The following PARPBP variants were observed in gnomAD, a reference collection of about 807,000 sequenced individuals.
PARPBP encodes PARP1 binding protein.
Under a neutral mutation model 50.0 loss-of-function variants are expected in PARPBP, and 52 were observed. The observed-to-expected ratio is 1.04, with a 90% CI of 0.83 to 1.31. The LOEUF (loss-of-function observed/expected upper bound fraction) is 1.31, where lower values mean the gene tolerates loss of function less well. Ranked by LOEUF, PARPBP falls within the 50% of genes most tolerant of loss-of-function variation. The probability of loss-of-function intolerance (pLI) is 0.00; values close to 1 mark genes in which losing one functional copy is unlikely to be tolerated. For missense variants in PARPBP, 697 were observed against 672.0 expected, an observed-to-expected ratio of 1.04 and a Z score of -0.41; for synonymous variants, 244 against 232.1, an observed-to-expected ratio of 1.05 and a Z score of -0.47.
At chr12:102,150,225 G>A (rs34287857) in intron 3 of PARPBP, 9,717 of 454,840 alleles carry the variant, frequency 0.021, 149 homozygotes, top group Non-Finnish European at 0.028. Context: ...AACCGTGGAA[G>A]ATCAACAACT....
chr12:102,195,086 A>G (rs999256450), intron 9 of PARPBP, among the ~76,000 whole-genome samples: 2 of 151,714 alleles, frequency 1.3e-5, no homozygotes, highest in African/African-American at 4.8e-5. Context: ...AAAATCAAAA[A>G]TATACATAAA....
rs762637921 is a variant in PARPBP at position 102,124,042 on chromosome 12, G to A, written c.153+1G>A. On this transcript the variant is annotated splice_donor_variant, in intron 2 of 10. Coordinates refer to ENST00000327680, the MANE Select transcript of PARPBP (RefSeq NM_017915.5). LOFTEE classifies it high-confidence loss of function. ...TTCTATGGCGGAGAACAACAAACAG[G>A]TTGGTAAACTATATTTGGGTTAACT... The A allele has an allele frequency of 7.2e-6, 11 of 1,532,162 alleles. No homozygotes were observed. The highest frequency in any genetic ancestry group is 1.7e-4 in the Middle Eastern group (1 of 6,008). The allele number at this position is 1,532,162 out of a possible 1,614,324, so 94.9% of individuals were successfully genotyped here. A position where few individuals can be genotyped will look rare whatever the true frequency, so the allele number is the denominator to read the frequency against.
Position 102,165,863 on chromosome 12 carries a change from T to G in PARPBP, c.801T>G (p.Leu267=). The change falls in exon 6 of 11, where the codon CTT becomes CTG. Residue 267 remains leucine, a synonymous_variant. Coordinates refer to ENST00000327680, the MANE Select transcript of PARPBP (RefSeq NM_017915.5). ...INFIDKLDEI[L]GEIPNPSIAG... ...TCATTGACAAATTAGATGAGATTCT[T>G]GGAGAAATACCAAACCCAAGGTAAT... 2 of 1,562,442 alleles carry G rather than the reference T, an allele frequency of 1.3e-6. No individual in the cohort carries two copies. Among genetic ancestry groups the G allele is most frequent in the Non-Finnish European group, 1.8e-6 (2 of 1,137,296 alleles).
intron 6 of PARPBP, among the ~76,000 whole-genome samples, chr12:102,172,586 T>G (rs1344589154): frequency 6.6e-6 from 1 of 152,206 alleles, no homozygotes; most frequent in Non-Finnish European, 1.5e-5. Flanking sequence ...TGGGGTATTT[T>G]GCCATGGCTT....
intron 3 of PARPBP, among the ~76,000 whole-genome samples, chr12:102,152,645 A>G (rs1886359206): frequency 6.6e-6 from 1 of 152,202 alleles, no homozygotes. Flanking sequence ...AAATAAGAGA[A>G]GGTTATTACT....
At chr12:102,190,627 A>G (rs1231675818) in intron 9 of PARPBP, among the ~76,000 whole-genome samples, 4 of 152,126 alleles carry the variant, frequency 2.6e-5, no homozygotes, top group East Asian at 3.9e-4. Context: ...AACAGGATCT[A>G]TAAAGGAGGT....
At chr12:102,194,479 C>T (rs532776719) in intron 9 of PARPBP, among the ~76,000 whole-genome samples, 1 of 151,976 alleles carries the variant, frequency 6.6e-6, no homozygotes, top group South Asian at 2.1e-4. Context: ...GTATAGGCTA[C>T]TTTGTTCTAA....
chr12:102,173,236 T>C (rs1435691103), intron 6 of PARPBP, among the ~76,000 whole-genome samples: 2 of 152,162 alleles, frequency 1.3e-5, no homozygotes, highest in Admixed American at 1.3e-4. Context: ...GCCCTCAGTG[T>C]AAAAATAAAC....
intron 9 of PARPBP, among the ~76,000 whole-genome samples, chr12:102,182,840 G>A (rs543972901): frequency 1.8e-4 from 28 of 152,134 alleles, no homozygotes; most frequent in Admixed American, 1.8e-3. Context: ...TAATCCACTG[G>A]ACCTAAAAAA....
intron 2 of PARPBP, among the ~76,000 whole-genome samples, chr12:102,133,770 G>C (rs1883208375): frequency 6.6e-6 from 1 of 152,060 alleles, no homozygotes; most frequent in East Asian, 1.9e-4. Context: ...AATTTAAGAA[G>C]ATTGAAATCA....
intron 2 of PARPBP, among the ~76,000 whole-genome samples, chr12:102,130,007 A>G (rs1237865376): frequency 6.6e-6 from 1 of 152,254 alleles, no homozygotes; most frequent in African/African-American, 2.4e-5. Context: ...AAAGGGCTAC[A>G]GTAACCAAAA....
chr12:102,178,573 A>G lies in PARPBP; in HGVS notation c.1006-19A>G. 1 of 1,537,474 alleles carries G rather than the reference A, an allele frequency of 6.5e-7. No homozygotes were observed. Among genetic ancestry groups the G allele is most frequent in the Non-Finnish European group, 8.8e-7 (1 of 1,135,840 alleles). ...CTGGGGTGATTATTACATTTACCTA[A>G]AATTATTTTTTGTCTCAGCCAAAAT... On this transcript the variant is annotated intron_variant, in intron 7 of 10. Coordinates refer to ENST00000327680, the MANE Select transcript of PARPBP (RefSeq NM_017915.5).
At chr12:102,195,925 T>G in intron 10 of PARPBP, 26 bp from the exon 11 acceptor site, 1 of 1,425,484 alleles carries the variant, frequency 7.0e-7, no homozygotes, top group East Asian at 2.3e-5. Flanking sequence ...ATGTAATTCC[T>G]TTCCCCTTTT....
At chr12:102,123,032 T>C (rs1881395857) in intron 1 of PARPBP, among the ~76,000 whole-genome samples, 1 of 152,176 alleles carries the variant, frequency 6.6e-6, no homozygotes, top group South Asian at 2.1e-4. Flanking sequence ...GATACTCTAG[T>C]GGTCATACAG....
At chr12:102,184,046 G>GGAAAA (rs745308818) in intron 9 of PARPBP, among the ~76,000 whole-genome samples, 16 of 59,950 alleles carry the variant, frequency 2.7e-4, no homozygotes, top group African/African-American at 8.6e-4. Flanking sequence ...GACTCTATCT[G>GGAAAA]AAAAAAAAAA....
chr12:102,172,888 T>C (rs1411532283), intron 6 of PARPBP, among the ~76,000 whole-genome samples: 1 of 152,228 alleles, frequency 6.6e-6, no homozygotes, highest in African/African-American at 2.4e-5. Context: ...CGTTTTCATT[T>C]TGGCTACATT....
intron 2 of PARPBP, among the ~76,000 whole-genome samples, chr12:102,136,418 TA>T (rs1883639752): frequency 6.6e-6 from 1 of 152,210 alleles, no homozygotes; most frequent in South Asian, 2.1e-4. Context: ...GACTTACTTT[TA>T]AAGAAATAAG....
intron 4 of PARPBP, among the ~76,000 whole-genome samples, chr12:102,157,658 A>C (rs969826815): frequency 6.6e-6 from 1 of 152,188 alleles, no homozygotes; most frequent in Non-Finnish European, 1.5e-5. Flanking sequence ...CTGAATTGCC[A>C]GGTCTCTCCA....
At position 102,177,946 on chromosome 12, in the gene PARPBP, G is replaced by C. The variant is rs190624698; in HGVS notation, c.1006-646G>C. ...TCTGTGGAATCATCTTTGATGCCAGGGTACATTGGTCACTTCTTTTGTACT... is the reference window on the plus strand; with the variant it reads ...TCTGTGGAATCATCTTTGATGCCAGCGTACATTGGTCACTTCTTTTGTACT... On this transcript the variant is annotated intron_variant, in intron 7 of 10. Transcript: ENST00000327680. Among the ~76,000 whole-genome samples, 378 of 152,148 alleles carry C rather than the reference G, an allele frequency of 2.5e-3. 3 individuals are homozygous for C. Among genetic ancestry groups the C allele is most frequent in the African/African-American group, 8.8e-3 (366 of 41,512 alleles).
Sources: gnomAD v4.1 joint callset for allele counts (sites outside exome capture counted in the v4.1 genomes callset) on GRCh38, gnomAD v4.1.1 for gene constraint, MANE v1.5 for transcripts, NCBI Gene and HGNC (gene_info 2026-07-23, HGNC 2026-07-21) for gene names.